The following PRR23E variants were observed in gnomAD, a reference collection of about 807,000 sequenced individuals.
PRR23E encodes the protein proline-rich protein 23E.
At chr3:127,197,418 G>T in the PRR23E span, 5 of 1,536,884 alleles carry the variant, frequency 3.3e-6, no homozygotes, top group Non-Finnish European at 8.7e-7. Flanking sequence ...GTGCTAATCA[G>T]CCCTCTAGAC....
chr3:127,196,921 C>T, the PRR23E span: 23 of 1,599,468 alleles, frequency 1.4e-5, no homozygotes, highest in East Asian at 6.7e-5. Flanking sequence ...TGGGCTTACC[C>T]GTGGGTGCTC....
the PRR23E span, chr3:127,196,817 T>A: frequency 3.1e-6 from 5 of 1,598,678 alleles, no homozygotes; most frequent in Non-Finnish European, 4.2e-6. Flanking sequence ...ATGGTTCCTG[T>A]ACCTGCTTGG....
At chr3:127,196,527 T>A in the PRR23E span, 53 of 1,050,252 alleles carry the variant, frequency 5.0e-5, no homozygotes, top group East Asian at 1.2e-4. Flanking sequence ...GTCCCCCTCC[T>A]CCCATCCCCT....
the PRR23E span, chr3:127,197,854 C>A: frequency 6.5e-6 from 1 of 154,210 alleles, no homozygotes; most frequent in Non-Finnish European, 1.4e-5. Context: ...CAGCAGGATC[C>A]CCGCATCCCT....
At chr3:127,194,999 A>G in the PRR23E span, among the ~76,000 whole-genome samples, 1 of 152,086 alleles carries the variant, frequency 6.6e-6, no homozygotes, top group Non-Finnish European at 1.5e-5. Flanking sequence ...AGCACCTCCC[A>G]TGGTCCAGGA....
chr3:127,197,159 C>A, the PRR23E span: 7 of 1,592,220 alleles, frequency 4.4e-6, no homozygotes, highest in Non-Finnish European at 6.0e-6. Context: ...AGGTGGGATG[C>A]TGGACTCCAG....
the PRR23E span, chr3:127,196,660 G>A: frequency 6.4e-7 from 1 of 1,561,238 alleles, no homozygotes. Context: ...ACACTTCGGG[G>A]CTTTGAAGAG....
the PRR23E span, chr3:127,193,339 G>C: frequency 7.2e-5 from 11 of 152,454 alleles, no homozygotes; most frequent in Non-Finnish European, 1.5e-4. Context: ...GCGAGGGCCT[G>C]AGGACCTTCT....
At chr3:127,196,619 G>A in the PRR23E span, 1 of 1,487,438 alleles carries the variant, frequency 6.7e-7, no homozygotes, top group Admixed American at 2.2e-5. Context: ...GGTGCGTGTG[G>A]CCTCAGCTTG....
the PRR23E span, among the ~76,000 whole-genome samples, chr3:127,195,014 A>G: frequency 1.3e-5 from 2 of 152,198 alleles, 1 homozygote; most frequent in Non-Finnish European, 2.9e-5. Context: ...CCAGGACCCC[A>G]GCCAGGAGAA....
the PRR23E span, chr3:127,197,294 C>T: frequency 1.3e-6 from 2 of 1,599,382 alleles, no homozygotes; most frequent in Non-Finnish European, 1.7e-6. Flanking sequence ...TGCCCTGCTG[C>T]AGTTCAGAGC....
the PRR23E span, among the ~76,000 whole-genome samples, chr3:127,193,463 G>C: frequency 6.6e-6 from 1 of 151,894 alleles, no homozygotes; most frequent in South Asian, 2.1e-4. Flanking sequence ...TGTCCGCGTC[G>C]CACCCCACCC....
At chr3:127,196,728 C>T in the PRR23E span, 13 of 1,593,880 alleles carry the variant, frequency 8.2e-6, no homozygotes, top group Middle Eastern at 1.6e-4. Flanking sequence ...GCAGAAGGTC[C>T]GCCGTGCCTT....
At chr3:127,197,513 GGTT>G in the PRR23E span, 1 of 1,089,718 alleles carries the variant, frequency 9.2e-7, no homozygotes, top group Non-Finnish European at 1.3e-6. Context: ...CTCAGATGTA[GGTT>G]GTTTACTATT....
At chr3:127,196,598 G>A in the PRR23E span, 16 of 1,453,218 alleles carry the variant, frequency 1.1e-5, 1 homozygote, top group South Asian at 4.3e-5. Context: ...CAGATACCAG[G>A]AGCCCCGTGA....
At chr3:127,197,011 C>G in the PRR23E span, 1 of 1,597,544 alleles carries the variant, frequency 6.3e-7, no homozygotes, top group Non-Finnish European at 8.5e-7. Context: ...AGGGGCGCCT[C>G]CAGCTTTGAC....
the PRR23E span, chr3:127,196,878 A>G: frequency 6.3e-7 from 1 of 1,599,218 alleles, no homozygotes; most frequent in Non-Finnish European, 8.5e-7. Flanking sequence ...CTACTCCTGC[A>G]TGGGATTTTC....
the PRR23E span, chr3:127,197,542 C>T: frequency 1.1e-3 from 813 of 723,068 alleles, 7 homozygotes; most frequent in African/African-American, 0.013. Flanking sequence ...GTACAGAGTA[C>T]ACCTCCTGGA....
At chr3:127,196,855 T>C in the PRR23E span, 1 of 1,599,220 alleles carries the variant, frequency 6.3e-7, no homozygotes, top group East Asian at 2.2e-5. Flanking sequence ...GACCTGGCCC[T>C]CTGGCCTGTC....
Sources: allele counts gnomAD v4.1 joint callset (sites outside exome capture counted in the v4.1 genomes callset), GRCh38; gene constraint gnomAD v4.1.1; transcripts MANE v1.5; gene names NCBI Gene and HGNC (gene_info 2026-07-23, HGNC 2026-07-21).